Variants in MRC1 observed in about 807,000 individuals in gnomAD.
MRC1 encodes macrophage mannose receptor 1.
Under a neutral mutation model 102.9 loss-of-function variants are expected in MRC1, and 62 were observed. The ratio of observed to expected loss-of-function variants is 0.60; its 90% confidence interval spans 0.49 to 0.74. The LOEUF (loss-of-function observed/expected upper bound fraction) is 0.74, where lower values mean the gene tolerates loss of function less well. Among genes scored for constraint, MRC1 ranks in the 30% least tolerant of loss-of-function variants. The probability of loss-of-function intolerance (pLI) is 0.00; values close to 1 mark genes in which losing one functional copy is unlikely to be tolerated. For synonymous variants in MRC1, 457 were observed against 298.4 expected (o/e 1.53, Z -5.48); for missense variants, 1,237 against 862.8 (o/e 1.43, Z -5.43).
rs1833817510 is a variant in MRC1, at chr10:17,900,695, G to T, written c.3484-93G>T. The T allele has an allele frequency of 6.4e-6, 5 of 775,662 alleles. No individual in the cohort carries two copies. In the East Asian group the frequency reaches 7.3e-5, roughly 11 times the overall value. 48.0% of individuals were successfully genotyped at this position (775,662 alleles called of 1,614,324 possible). A position where few individuals can be genotyped will look rare whatever the true frequency, so the allele number is the denominator to read the frequency against. On this transcript the variant is annotated intron_variant, in intron 24 of 29. Coordinates refer to ENST00000569591, the MANE Select transcript of MRC1 (RefSeq NM_002438.4). ...GTTCCAGGTTCTATGTCAAATCATG[G>T]TCTTAAATATACTTTGTATTCTTGA...
rs1049547490 is a variant in MRC1, at chr10:17,870,873, T to A, written c.2137T>A (p.Phe713Ile). 3.4e-6 allele frequency: 3 copies of A among 872,282 alleles called. No homozygotes were observed. The highest frequency in any genetic ancestry group is 6.0e-6 in the Non-Finnish European group (3 of 501,248). The allele number at this position is 872,282 out of a possible 1,614,324, so 54.0% of individuals were successfully genotyped here. A position where few individuals can be genotyped will look rare whatever the true frequency, so the allele number is the denominator to read the frequency against. The change falls in exon 14 of 30, where the codon TTT (phenylalanine) becomes ATT (isoleucine). Residue 713 changes from phenylalanine (F) to isoleucine (I), a missense_variant. Coordinates refer to ENST00000569591, the MANE Select transcript of MRC1 (RefSeq NM_002438.4). ...AGCTAGTGGAAGCTACCACAAACTG[T>A]TTTGGTTGGGATTGACATATGGAAG... ...ITASGSYHKL[F>I]WLGLTYGSPS...
At chr10:17,870,665 T>C (rs1015048374) in intron 13 of MRC1, among the ~76,000 whole-genome samples, 183 bp from the exon 14 acceptor site, 5 of 152,220 alleles carry the variant, frequency 3.3e-5, no homozygotes, top group African/African-American at 1.2e-4. Context: ...TTTTAAGATA[T>C]TTATGGGATA....
At chr10:17,812,835 T>G (rs966189919) in intron 1 of MRC1, among the ~76,000 whole-genome samples, 107 of 152,132 alleles carry the variant, frequency 7.0e-4, no homozygotes, top group African/African-American at 2.4e-3. Flanking sequence ...CCTCCCAAAG[T>G]GCTGACATTA....
intron 22 of MRC1, among the ~76,000 whole-genome samples, chr10:17,892,749 T>C (rs1019659708): frequency 6.6e-6 from 1 of 152,022 alleles, no homozygotes; most frequent in African/African-American, 2.4e-5. Flanking sequence ...TGGTGGCTCA[T>C]GCCTGTAATC....
At chr10:17,871,816 C>A (rs936803546) in intron 14 of MRC1, among the ~76,000 whole-genome samples, 166 bp from the exon 15 acceptor site, 17 of 152,126 alleles carry the variant, frequency 1.1e-4, no homozygotes, top group Non-Finnish European at 2.1e-4. Context: ...AAAGCTGTTT[C>A]TTTTCTACTA....
chr10:17,893,873 G>A (rs1833715274), intron 22 of MRC1, among the ~76,000 whole-genome samples: 1 of 152,196 alleles, frequency 6.6e-6, no homozygotes, highest in East Asian at 1.9e-4. Context: ...CTGGTAATTA[G>A]TATGGAGAGG....
chr10:17,871,924 G>C, intron 14 of MRC1, 58 bp from the exon 15 acceptor site: 1 of 754,934 alleles, frequency 1.3e-6, no homozygotes, highest in Non-Finnish European at 2.5e-6. Flanking sequence ...TTGGATGAAT[G>C]ATTGGCATTG....
At chr10:17,901,506 T>C (rs1833828881) in intron 25 of MRC1, among the ~76,000 whole-genome samples, 2 of 152,174 alleles carry the variant, frequency 1.3e-5, no homozygotes, top group East Asian at 3.9e-4. Context: ...TTGGCCAACA[T>C]GGTGAAACCC....
chr10:17,821,222 G>A (rs1312025071), intron 1 of MRC1, among the ~76,000 whole-genome samples: 1 of 151,990 alleles, frequency 6.6e-6, no homozygotes, highest in Non-Finnish European at 1.5e-5. Context: ...TGGCATAGAG[G>A]CAGCGAGAGT....
chr10:17,862,482 A>G (rs1055293655), intron 10 of MRC1, among the ~76,000 whole-genome samples: 15 of 152,260 alleles, frequency 9.9e-5, no homozygotes, highest in Non-Finnish European at 1.9e-4. Context: ...TCTATTGGAC[A>G]TTTGTGCATC....
rs1018179715 is a variant in MRC1 at position 17,833,681 on chromosome 10, G to A, written c.644G>A (p.Gly215Asp). The A allele has an allele frequency of 3.8e-6, 3 of 780,948 alleles. No homozygotes were observed. Among genetic ancestry groups the A allele is most frequent in the Non-Finnish European group, 7.2e-6 (3 of 418,116 alleles). The allele number at this position is 780,948 out of a possible 1,614,324, so 48.4% of individuals were successfully genotyped here. A position where few individuals can be genotyped will look rare whatever the true frequency, so the allele number is the denominator to read the frequency against. ...CATCTGATTTCTTTCACAGTTGAGG[G>A]CAGTGAAAGCTTATGGAATAAAGAC... ...LFGYCPLKFE[G>D]SESLWNKDPL... Residue 215 changes from glycine to aspartate, a missense_variant, in exon 4 of 30, where the codon GGC becomes GAC. Coordinates refer to ENST00000569591, the MANE Select transcript of MRC1 (RefSeq NM_002438.4).
In MRC1 at chr10:17,906,945, G is replaced by A. The variant is rs1375438948; in HGVS notation, c.3859G>A (p.Glu1287Lys). ...ATCCAGTTTTCTGTCATATCGGGTTGAGCCACTTAAAAGTAAAACCAATTT... is the reference window on the plus strand; with the variant it reads ...ATCCAGTTTTCTGTCATATCGGGTTAAGCCACTTAAAAGTAAAACCAATTT... Reference protein sequence around the residue: ...AESSFLSYRVEPLKSKTNFWI... With the variant: ...AESSFLSYRVKPLKSKTNFWI... Residue 1287 changes from glutamate (E) to lysine (K), a missense_variant, in exon 27 of 30, where the codon GAG becomes AAG. By Grantham distance (56) the Glu-to-Lys change is moderately conservative. Transcript: ENST00000569591. The A allele has an allele frequency of 3.6e-6, 3 of 830,098 alleles. No homozygotes were observed. The African/African-American group carries it at 5.0e-5, about 14-fold the overall frequency. 51.4% of individuals were successfully genotyped at this position (830,098 alleles called of 1,614,324 possible). A position where few individuals can be genotyped will look rare whatever the true frequency, so the allele number is the denominator to read the frequency against.
intron 24 of MRC1, among the ~76,000 whole-genome samples, chr10:17,899,769 G>A (rs1833803363): frequency 6.6e-6 from 1 of 152,032 alleles, no homozygotes; most frequent in Admixed American, 6.6e-5. Flanking sequence ...TATTTTGTAT[G>A]TGATCATAAA....
intron 4 of MRC1, among the ~76,000 whole-genome samples, chr10:17,836,095 C>G (rs1041789047): frequency 1.3e-5 from 2 of 152,168 alleles, no homozygotes; most frequent in Non-Finnish European, 2.9e-5. Flanking sequence ...GTGACCTTGT[C>G]TGTTAAAAGA....
At chr10:17,898,648 T>G (rs1220429224) in intron 24 of MRC1, among the ~76,000 whole-genome samples, 2 of 152,170 alleles carry the variant, frequency 1.3e-5, no homozygotes, top group African/African-American at 4.8e-5. Context: ...ATGGGGACAA[T>G]TTTTTTTTGT....
In MRC1 at chr10:17,910,326, A is replaced by G; in HGVS notation, c.4232A>G (p.Tyr1411Cys). Residue 1411 changes from tyrosine to cysteine, a missense_variant, in exon 30 of 30, where the codon TAT becomes TGT. Physicochemically the swap from Tyr to Cys is radical, Grantham distance 194 (BLOSUM62 -2). Coordinates refer to ENST00000569591, the MANE Select transcript of MRC1 (RefSeq NM_002438.4). ...TGAGLAAYFFYKKRRVHLPQE... is the reference protein window; with the variant it reads ...TGAGLAAYFFCKKRRVHLPQE... The stretch of plus-strand genomic sequence containing the variant: ...GCTGGCCTTGCCGCCTATTTCTTTT[A>G]TAAGAAAAGACGTGTGCACCTACCT... The G allele has an allele frequency of 1.3e-6, 1 of 780,834 alleles. No homozygotes were observed. 48.4% of individuals were successfully genotyped at this position (780,834 alleles called of 1,614,324 possible).
At chr10:17,839,251 C>T (rs1227069398) in intron 4 of MRC1, among the ~76,000 whole-genome samples, 1 of 152,134 alleles carries the variant, frequency 6.6e-6, no homozygotes, top group African/African-American at 2.4e-5. Context: ...TGATGCCAAA[C>T]ATAGTAATTT....
chr10:17,860,721 T>C (rs1353834788), intron 9 of MRC1, among the ~76,000 whole-genome samples: 2 of 152,248 alleles, frequency 1.3e-5, no homozygotes, highest in Non-Finnish European at 2.9e-5. Context: ...CTAGGTTTGC[T>C]CTTCCCCAAA....
At chr10:17,897,270 T>C (rs1293637341) in intron 23 of MRC1, among the ~76,000 whole-genome samples, 2 of 152,158 alleles carry the variant, frequency 1.3e-5, no homozygotes, top group African/African-American at 2.4e-5. Flanking sequence ...ACAAGCTCTT[T>C]TGGGAGTCTT....
Sources: allele counts gnomAD v4.1 joint callset (sites outside exome capture counted in the v4.1 genomes callset), GRCh38; gene constraint gnomAD v4.1.1; transcripts MANE v1.5; gene names NCBI Gene and HGNC (gene_info 2026-07-23, HGNC 2026-07-21).